The following TMEM255B variants were observed in gnomAD, a reference collection of about 807,000 sequenced individuals.
TMEM255B encodes transmembrane protein 255B, also known as family with sequence similarity 70, member B.
TMEM255B carries 35 observed loss-of-function variants against 34.5 expected under a neutral mutation model. The observed-to-expected ratio is 1.01, with a 90% CI of 0.77 to 1.34. The LOEUF (loss-of-function observed/expected upper bound fraction) is 1.34. TMEM255B is among the 40% of genes most tolerant of loss of function. TMEM255B has a pLI of 0.00. For missense variants in TMEM255B, 432 were observed against 433.2 expected, an observed-to-expected ratio of 1.00 and a Z score of 0.02; for synonymous variants, 206 against 201.2, an observed-to-expected ratio of 1.02 and a Z score of -0.20.
At chr13:113,801,987 G>C (rs2051075038) in intron 7 of TMEM255B, among the ~76,000 whole-genome samples, 175 bp downstream of exon 7, 1 of 152,210 alleles carries the variant, frequency 6.6e-6, no homozygotes, top group Non-Finnish European at 1.5e-5. Flanking sequence ...TCACCTCGGG[G>C]CCGTCCTGTC....
chr13:113,805,544 T>G lies in TMEM255B; in HGVS notation c.813+516T>G, dbSNP rs75877307. ...GTGGCCCCTGCCTGCCTGTCCGATTTCCACTCCTGGGCATGACCGCCTTCT... is the reference window on the plus strand; with the variant it reads ...GTGGCCCCTGCCTGCCTGTCCGATTGCCACTCCTGGGCATGACCGCCTTCT... On this transcript the variant is annotated intron_variant, in intron 8 of 8. Coordinates refer to ENST00000375353, the MANE Select transcript of TMEM255B (RefSeq NM_182614.4). Among the ~76,000 whole-genome samples the G allele has an allele frequency of 2.4e-3, 373 of 152,348 alleles. 1 individual carries two copies. Among genetic ancestry groups the G allele is most frequent in the Non-Finnish European group, 4.1e-3 (280 of 68,014 alleles).
At chr13:113,767,269 A>G (rs1049493525) in intron 2 of TMEM255B, among the ~76,000 whole-genome samples, 1 of 152,258 alleles carries the variant, frequency 6.6e-6, no homozygotes, top group Non-Finnish European at 1.5e-5. Context: ...AGACATCTAC[A>G]CTATCTACCT....
chr13:113,771,153 C>T (rs1402369508), intron 3 of TMEM255B, among the ~76,000 whole-genome samples: 2 of 152,060 alleles, frequency 1.3e-5, no homozygotes, highest in Non-Finnish European at 2.9e-5. Context: ...CTCTTAGCAC[C>T]CTACCTACCC....
In TMEM255B at chr13:113,805,099, G is replaced by A. The variant is rs888948656; in HGVS notation, c.813+71G>A. 6 of 1,427,740 alleles carry A rather than the reference G, an allele frequency of 4.2e-6. No individual in the cohort carries two copies. In the African/African-American group the frequency reaches 8.7e-5, roughly 21 times the overall value. The allele number at this position is 1,427,740 out of a possible 1,614,324, so 88.4% of individuals were successfully genotyped here. A position where few individuals can be genotyped will look rare whatever the true frequency, so the allele number is the denominator to read the frequency against. Reference sequence around the variant, plus strand: ...CAGTGGGATGGACAGGATGGGGCTGGGGTCGGAGGGGATGAGGTCTTGCAG... The same window carrying A: ...CAGTGGGATGGACAGGATGGGGCTGAGGTCGGAGGGGATGAGGTCTTGCAG... On this transcript the variant is annotated intron_variant, in intron 8 of 8. Transcript: ENST00000375353.
rs1234320582 is a variant in TMEM255B, at chr13:113,770,341, C to G, written c.252+1181C>G. On this transcript the variant is annotated intron_variant, in intron 3 of 8. Coordinates refer to ENST00000375353, the MANE Select transcript of TMEM255B (RefSeq NM_182614.4). The surrounding 1 kb of genome is among the most constrained non-coding windows in gnomAD (Gnocchi z 4.6). ...GATCTGCCCCCCATGATTCAACTGC[C>G]TTCCACCAGGTCCCTCCCACAACAC... 3.9e-5 allele frequency among the ~76,000 whole-genome samples: 6 copies of G among 152,158 alleles called. No individual in the cohort carries two copies. The highest frequency in any genetic ancestry group is 1.4e-4 in the African/African-American group (6 of 41,426).
intron 7 of TMEM255B, 94 bp from the exon 8 acceptor site, chr13:113,804,791 G>A (rs1242238683): frequency 2.4e-5 from 28 of 1,166,718 alleles, no homozygotes; most frequent in South Asian, 1.8e-4. Flanking sequence ...CCTGAGAGTC[G>A]GGGGTCGAGG....
At chr13:113,775,171 C>G (rs1269400110) in intron 3 of TMEM255B, among the ~76,000 whole-genome samples, 1 of 151,730 alleles carries the variant, frequency 6.6e-6, no homozygotes, top group Non-Finnish European at 1.5e-5. Context: ...ACAATGCACA[C>G]CACATACACT....
At chr13:113,784,200 G>A (rs2050706667) in intron 3 of TMEM255B, among the ~76,000 whole-genome samples, 1 of 152,150 alleles carries the variant, frequency 6.6e-6, no homozygotes, top group Non-Finnish European at 1.5e-5. Context: ...GCACCCATGT[G>A]AGCTGGTAAG....
chr13:113,799,738 A>G, intron 5 of TMEM255B: 1 of 703,960 alleles, frequency 1.4e-6, no homozygotes, highest in Non-Finnish European at 2.7e-6. Flanking sequence ...AGCAAGGATA[A>G]TACATTTACA....
intron 3 of TMEM255B, among the ~76,000 whole-genome samples, chr13:113,786,700 C>T (rs995791885): frequency 6.6e-6 from 1 of 152,100 alleles, no homozygotes; most frequent in African/African-American, 2.4e-5. Context: ...TCATCACTGT[C>T]GTCACTAGCA....
intron 8 of TMEM255B, among the ~76,000 whole-genome samples, chr13:113,810,839 G>C (rs1002897339): frequency 3.9e-5 from 6 of 152,238 alleles, no homozygotes; most frequent in Non-Finnish European, 7.3e-5. Context: ...CGGTGACACT[G>C]AACCAGCCAC....
At chr13:113,798,415 T>A (rs1322102406) in intron 4 of TMEM255B, among the ~76,000 whole-genome samples, 1 of 145,610 alleles carries the variant, frequency 6.9e-6, no homozygotes, top group Non-Finnish European at 1.5e-5. Context: ...AAAGGATGGA[T>A]GACAGATGAA....
chr13:113,788,685 G>A (rs559104751), intron 3 of TMEM255B, among the ~76,000 whole-genome samples: 7 of 152,194 alleles, frequency 4.6e-5, no homozygotes, highest in East Asian at 3.9e-4. Flanking sequence ...TCATCAGCAC[G>A]GTGTCACCGT....
chr13:113,806,815 CCGCAGGGG>C lies in TMEM255B; in HGVS notation c.813+1788_813+1795del, dbSNP rs564195086. Reference sequence around the variant, plus strand: ...GTTTGCCAAGCCCAGAACTGGAGGCCCGCAGGGGTAGAAGGAGGAGGCCCGCAGGGGCA... The same window carrying C: ...GTTTGCCAAGCCCAGAACTGGAGGCCTAGAAGGAGGAGGCCCGCAGGGGCA... On this transcript the variant is annotated intron_variant, in intron 8 of 8. Coordinates refer to ENST00000375353, the MANE Select transcript of TMEM255B (RefSeq NM_182614.4). This position sits in a 1 kb window ranked among gnomAD's most constrained non-coding sequence, Gnocchi z 4.2. 0.032 allele frequency among the ~76,000 whole-genome samples: 3,598 copies of C among 112,618 alleles called. 140 individuals are homozygous for C. Among genetic ancestry groups the C allele is most frequent in the African/African-American group, 0.11 (3,376 of 30,116 alleles). The allele number at this position is 112,618 out of a possible 152,430, so 73.9% of individuals were successfully genotyped here.
chr13:113,780,462 G>A (rs2050649490), intron 3 of TMEM255B, among the ~76,000 whole-genome samples: 1 of 152,172 alleles, frequency 6.6e-6, no homozygotes, highest in African/African-American at 2.4e-5. Context: ...TTTGCTCATG[G>A]GAGTATACTA....
intron 3 of TMEM255B, among the ~76,000 whole-genome samples, chr13:113,782,684 C>G (rs574349125): frequency 0.068 from 9,280 of 137,256 alleles, 350 homozygotes; most frequent in South Asian, 0.16. Context: ...GAGGGGGGGG[C>G]TTCATTATGA....
chr13:113,767,287 GT>G (rs1412405060), intron 2 of TMEM255B, among the ~76,000 whole-genome samples: 1 of 152,152 alleles, frequency 6.6e-6, no homozygotes, highest in African/African-American at 2.4e-5. Flanking sequence ...CCTGTGTATA[GT>G]TTATGAATAA....
At chr13:113,805,261 C>T (rs2051150003) in intron 8 of TMEM255B, among the ~76,000 whole-genome samples, 1 of 152,228 alleles carries the variant, frequency 6.6e-6, no homozygotes, top group Admixed American at 6.5e-5. Flanking sequence ...CTGCCGGCAG[C>T]TGGCTCTTCT....
intron 7 of TMEM255B, among the ~76,000 whole-genome samples, 194 bp from the exon 8 acceptor site, chr13:113,804,691 G>C (rs9550249): frequency 0.012 from 1,575 of 129,666 alleles, no homozygotes; most frequent in East Asian, 0.048. Flanking sequence ...GCCGGGCCGG[G>C]GTTAGCTCCA....
Sources: gnomAD v4.1 joint callset for allele counts (sites outside exome capture counted in the v4.1 genomes callset) on GRCh38, gnomAD v4.1.1 for gene constraint, Gnocchi (gnomAD v3.1) non-coding constraint, MANE v1.5 for transcripts, NCBI Gene and HGNC (gene_info 2026-07-23, HGNC 2026-07-21) for gene names.